The following RELB variants were observed in gnomAD, a reference collection of about 807,000 sequenced individuals.
The protein encoded by RELB is RELB proto-oncogene, NF-kB subunit.
A neutral mutation model predicts 55.4 loss-of-function variants in RELB; 14 were observed. The observed-to-expected ratio is 0.25, with a 90% CI of 0.17 to 0.40. RELB has a LOEUF of 0.40. Among genes scored for constraint, RELB ranks in the 10% least tolerant of loss-of-function variants. The probability of loss-of-function intolerance (pLI) is 1.00; values close to 1 mark genes in which losing one functional copy is unlikely to be tolerated. For missense variants in RELB, 669 were observed against 830.7 expected (o/e 0.81, Z 2.39); for synonymous variants, 409 against 371.3 (o/e 1.10, Z -1.17).
intron 1 of RELB, among the ~76,000 whole-genome samples, chr19:45,002,565 C>T (rs997368115): frequency 6.6e-6 from 1 of 152,134 alleles, no homozygotes; most frequent in Non-Finnish European, 1.5e-5. Context: ...GCTGGTCAGA[C>T]TGGCCTCGAA....
At chr19:45,034,403 A>T in intron 10 of RELB, 48 bp from the exon 11 acceptor site, 1 of 1,606,196 alleles carries the variant, frequency 6.2e-7, no homozygotes, top group Admixed American at 1.7e-5. Flanking sequence ...CAGGCTGGGG[A>T]GGAAGGGCTG....
rs1039624578 is a variant in RELB, at chr19:45,003,915, G to GTTTTTTTTTTTTTTTT, written c.154+930_154+945dup. Reference sequence around the variant, plus strand: ...TGGGTTTTTTTTGTCTGTTTTTTGTGTTTTTTTTTTTTTTTTTTTTTTTTT... The same window carrying GTTTTTTTTTTTTTTTT: ...TGGGTTTTTTTTGTCTGTTTTTTGTGTTTTTTTTTTTTTTTTTTTTTTTTTTTTTTTTTTTTTTTTT... On this transcript the variant is annotated intron_variant, in intron 2 of 11. Transcript: ENST00000221452. Among the ~76,000 whole-genome samples the GTTTTTTTTTTTTTTTT allele has an allele frequency of 5.2e-4, 33 of 63,578 alleles. 3 individuals are homozygous for GTTTTTTTTTTTTTTTT. The highest frequency in any genetic ancestry group is 7.0e-4 in the Non-Finnish European group (25 of 35,656). 41.7% of individuals were successfully genotyped at this position (63,578 alleles called of 152,430 possible).
rs577349548 is a variant in RELB at position 45,031,827 on chromosome 19, C to T, written c.992-707C>T. ...TCCTGACCTCGTGATCCGCCTGCCT[C>T]GGCCTCCCAAAGTGCTGGGATTATG... is the stretch of plus-strand genomic sequence containing the variant. On this transcript the variant is annotated intron_variant, in intron 8 of 11. Coordinates refer to ENST00000221452, the MANE Select transcript of RELB (RefSeq NM_006509.4). Among the ~76,000 whole-genome samples the T allele has an allele frequency of 8.1e-3, 1,231 of 151,192 alleles. 13 individuals are homozygous for T. The highest frequency in any genetic ancestry group is 0.025 in the African/African-American group (1,027 of 41,290).
At chr19:45,020,553 C>CTTTTTTTTTTT (rs34030158) in intron 4 of RELB, among the ~76,000 whole-genome samples, 1 of 86,554 alleles carries the variant, frequency 1.2e-5, no homozygotes, top group Non-Finnish European at 2.1e-5. Context: ...TGGCACCCAT[C>CTTTTTTTTTTT]TTTTTTTTTT....
chr19:45,037,472 C>A lies in RELB; in HGVS notation c.1422C>A (p.Pro474=), dbSNP rs547067248. The A allele has an allele frequency of 1.2e-6, 2 of 1,610,578 alleles. No individual in the cohort carries two copies. The highest frequency in any genetic ancestry group is 1.7e-5 in the Admixed American group (1 of 59,656). The change falls in exon 12 of 12, where the codon CCC becomes CCA. Residue 474 remains proline, a synonymous_variant. Transcript: ENST00000221452. Reference sequence around the variant, plus strand: ...TCTTCTCTGGCACCGTGTCCCTGCCCGGCCTGGAGCCCCCTGGCGGGCCTG... The same window carrying A: ...TCTTCTCTGGCACCGTGTCCCTGCCAGGCCTGGAGCCCCCTGGCGGGCCTG... The part of the protein sequence containing the change: ...PDFFSGTVSL[P]GLEPPGGPDL...
chr19:45,035,501 G>A (rs117612962), intron 11 of RELB, among the ~76,000 whole-genome samples: 1 of 150,582 alleles, frequency 6.6e-6, no homozygotes, highest in East Asian at 2.0e-4. Context: ...CTGAGCAACA[G>A]AATGAGACCC....
Position 45,032,622 on chromosome 19 carries a change from G to A in RELB, c.1080G>A (p.Val360=), listed in dbSNP as rs750720456. 1.9e-6 allele frequency: 3 copies of A among 1,613,488 alleles called. No homozygotes were observed. The highest frequency in any genetic ancestry group is 2.5e-6 in the Non-Finnish European group (3 of 1,179,728). ...ACGTGCACCGCCAGATTGCCATTGT[G>A]TTCAAGACGCCGCCCTACGAGGACC... The part of the protein sequence containing the change: ...QADVHRQIAI[V]FKTPPYEDLE... Residue 360 remains valine (V), a synonymous_variant, in exon 9 of 12, where the codon GTG becomes GTA. Transcript: ENST00000221452.
chr19:45,005,714 C>T (rs1971274521), intron 2 of RELB, among the ~76,000 whole-genome samples: 1 of 152,206 alleles, frequency 6.6e-6, no homozygotes, highest in Non-Finnish European at 1.5e-5. Context: ...AGTGATTCTC[C>T]TGCCTCAGCC....
At chr19:45,022,339 G>C (rs951998550) in intron 5 of RELB, 129 bp downstream of exon 5, 11 of 900,088 alleles carry the variant, frequency 1.2e-5, no homozygotes, top group African/African-American at 1.7e-5. Context: ...TTCTAGGTGG[G>C]AGACAGGCCT....
intron 4 of RELB, among the ~76,000 whole-genome samples, chr19:45,020,982 T>G (rs1033933530): frequency 6.6e-6 from 1 of 152,040 alleles, no homozygotes; most frequent in Non-Finnish European, 1.5e-5. Context: ...TGAGACCAGC[T>G]TGGGCAATGT....
chr19:45,034,150 C>A, intron 9 of RELB, 94 bp from the exon 10 acceptor site: 1 of 1,010,136 alleles, frequency 9.9e-7, no homozygotes, highest in Non-Finnish European at 1.4e-6. Context: ...CAGAGCAAGA[C>A]TGTCTCTAAA....
At chr19:45,020,294 G>A (rs1971467997) in intron 4 of RELB, among the ~76,000 whole-genome samples, 1 of 151,198 alleles carries the variant, frequency 6.6e-6, no homozygotes, top group South Asian at 2.1e-4. Flanking sequence ...CGCAATCTGG[G>A]CTCATTGCAA....
intron 8 of RELB, among the ~76,000 whole-genome samples, chr19:45,031,961 G>T (rs1166203948): frequency 2.6e-5 from 4 of 151,832 alleles, no homozygotes; most frequent in African/African-American, 9.7e-5. Context: ...AACAAGGCCG[G>T]GTTTGGTGGC....
intron 10 of RELB, 32 bp from the exon 11 acceptor site, chr19:45,034,419 G>A (rs760721071): frequency 6.2e-7 from 1 of 1,610,666 alleles, no homozygotes; most frequent in Non-Finnish European, 8.5e-7. Context: ...GGCTGTCGGG[G>A]AACAGGGGTC....
chr19:45,037,415 C>T lies in RELB; in HGVS notation c.1365C>T (p.Leu455=). ...FLPNHGSGPF[L]PPSALLPDPD... Reference sequence around the variant, plus strand: ...TCTTCATCCCCGTAGGCCCGTTCCTCCCGCCGTCAGCCCTGCTGCCAGACC... The same window carrying T: ...TCTTCATCCCCGTAGGCCCGTTCCTTCCGCCGTCAGCCCTGCTGCCAGACC... Residue 455 remains leucine (L), a synonymous_variant, in exon 12 of 12, where the codon CTC becomes CTT. Coordinates refer to ENST00000221452, the MANE Select transcript of RELB (RefSeq NM_006509.4). 6.3e-7 allele frequency: 1 copy of T among 1,575,834 alleles called. No homozygotes were observed. The highest frequency in any genetic ancestry group is 1.2e-5 in the South Asian group (1 of 86,506).
chr19:45,003,915 G>GTTTTTTTTTTTTTTTTTTTTTT (rs1039624578), intron 2 of RELB, among the ~76,000 whole-genome samples: 3 of 63,574 alleles, frequency 4.7e-5, no homozygotes, highest in African/African-American at 1.2e-4. Context: ...TGTTTTTTGT[G>GTTTTTTTTTTTTTTTTTTTTTT]TTTTTTTTTT....
chr19:45,032,412 C>G, intron 8 of RELB, 122 bp from the exon 9 acceptor site: 1 of 755,736 alleles, frequency 1.3e-6, no homozygotes. Context: ...GAGCAAGACT[C>G]TCAAAAAAAA....
Position 45,032,703 on chromosome 19 carries a change from G to C in RELB, c.1161G>C (p.Gly387=). The C allele has an allele frequency of 6.2e-7, 1 of 1,609,852 alleles. No homozygotes were observed. Among genetic ancestry groups the C allele is most frequent in the Non-Finnish European group, 8.5e-7 (1 of 1,178,338 alleles). Reference sequence around the variant, plus strand: ...TCTTCCTGCAGCGGCTCACCGATGGGGTCTGCAGCGAGCCATTGCCTTTCA... The same window carrying C: ...TCTTCCTGCAGCGGCTCACCGATGGCGTCTGCAGCGAGCCATTGCCTTTCA... The part of the protein sequence containing the change: ...VNVFLQRLTD[G]VCSEPLPFTY... The change falls in exon 9 of 12, where the codon GGG becomes GGC. Residue 387 remains glycine (G), a synonymous_variant. Coordinates refer to ENST00000221452, the MANE Select transcript of RELB (RefSeq NM_006509.4).
chr19:45,022,314 C>A, intron 5 of RELB, 104 bp downstream of exon 5: 1 of 1,153,012 alleles, frequency 8.7e-7, no homozygotes, highest in Non-Finnish European at 1.2e-6. Flanking sequence ...TTGGGTAAAC[C>A]CTCCCCACTG....
Sources: allele counts gnomAD v4.1 joint callset (sites outside exome capture counted in the v4.1 genomes callset), GRCh38; gene constraint gnomAD v4.1.1; transcripts MANE v1.5; gene names NCBI Gene and HGNC (gene_info 2026-07-23, HGNC 2026-07-21).